The following ADCY10 variants were observed in gnomAD, a reference collection of about 807,000 sequenced individuals.
ADCY10 encodes the protein adenylate cyclase 10, also known as adenylate cyclase type 10.
A neutral mutation model predicts 183.3 loss-of-function variants in ADCY10; 156 were observed. That is an observed-to-expected ratio of 0.85 (90% CI 0.75 to 0.97). The LOEUF (loss-of-function observed/expected upper bound fraction) is 0.97. Ranked by LOEUF, ADCY10 falls within the 50% of genes least tolerant of loss-of-function variation. The pLI is 0.00. For missense variants in ADCY10, 1,745 were observed against 1,934.3 expected (o/e 0.90, Z 1.84); for synonymous variants, 645 against 670.0 (o/e 0.96, Z 0.58).
intron 12 of ADCY10, among the ~76,000 whole-genome samples, chr1:167,877,193 G>A (rs924731282): frequency 4.0e-5 from 6 of 150,540 alleles, no homozygotes; most frequent in African/African-American, 1.5e-4. Context: ...TAACATCTCT[G>A]AGCCTCAGTT....
intron 29 of ADCY10, among the ~76,000 whole-genome samples, chr1:167,822,415 G>A (rs2101860881): frequency 6.6e-6 from 1 of 152,240 alleles, no homozygotes; most frequent in Middle Eastern, 3.4e-3. Flanking sequence ...TGGCCTTAGT[G>A]CAGCCTAGGA....
chr1:167,820,149 T>C, intron 30 of ADCY10: 2 of 1,548,756 alleles, frequency 1.3e-6, no homozygotes, highest in Non-Finnish European at 1.7e-6. Flanking sequence ...GATCCCTTAA[T>C]TTCCTGCCCC....
intron 17 of ADCY10, among the ~76,000 whole-genome samples, chr1:167,855,803 G>A (rs1665846444): frequency 6.6e-6 from 1 of 152,126 alleles, no homozygotes; most frequent in South Asian, 2.1e-4. Context: ...CTTGAGCCCA[G>A]GAGTTCATGA....
intron 23 of ADCY10, 100 bp downstream of exon 23, chr1:167,836,209 A>T (rs2101917014): frequency 1.3e-6 from 1 of 789,634 alleles, no homozygotes; most frequent in East Asian, 2.7e-5. Context: ...TCGGGAATAT[A>T]CAACGTGAAG....
At chr1:167,833,206 G>T in intron 24 of ADCY10, 44 bp from the exon 25 acceptor site, 1 of 1,571,152 alleles carries the variant, frequency 6.4e-7, no homozygotes, top group Non-Finnish European at 8.8e-7. Flanking sequence ...GGAAAACGAT[G>T]ATTCTAACTT....
intron 8 of ADCY10, among the ~76,000 whole-genome samples, chr1:167,890,589 G>A (rs1263741114): frequency 9.8e-6 from 1 of 102,256 alleles, no homozygotes; most frequent in Admixed American, 1.2e-4. Context: ...CAAGGCTCTA[G>A]CACTCTACAA....
chr1:167,887,589 A>G (rs897413277), intron 8 of ADCY10, among the ~76,000 whole-genome samples: 2 of 152,162 alleles, frequency 1.3e-5, no homozygotes, highest in Admixed American at 1.3e-4. Flanking sequence ...AGATATACCT[A>G]ATGTAAAAGA....
intron 15 of ADCY10, among the ~76,000 whole-genome samples, chr1:167,860,535 T>C (rs1412874959): frequency 6.6e-6 from 1 of 152,180 alleles, no homozygotes; most frequent in Non-Finnish European, 1.5e-5. Flanking sequence ...CTGTGTTAGA[T>C]AATTCAGGAA....
chr1:167,847,877 T>C (rs961083498), intron 19 of ADCY10, among the ~76,000 whole-genome samples: 3 of 152,206 alleles, frequency 2.0e-5, no homozygotes, highest in Non-Finnish European at 4.4e-5. Flanking sequence ...TCCCAGAATA[T>C]ACACAGGGGG....
At position 167,859,843 on chromosome 1, in the gene ADCY10, T is replaced by C. The variant is rs1323294121; in HGVS notation, c.1860A>G (p.Lys620=). ...ISRMSTLKKQ[K]QLEILFMKIL... ...TCTTCATAAACAATATTTCCAATTG[T>C]TTTTGCTTTTTCAAGGTGCTCATCC... The change falls in exon 16 of 33, where the codon AAA becomes AAG. Residue 620 remains lysine (K), a synonymous_variant. Transcript: ENST00000367851. 7 of 1,613,498 alleles carry C rather than the reference T, an allele frequency of 4.3e-6. No individual in the cohort carries two copies. In the African/African-American group the frequency reaches 6.7e-5, roughly 15 times the overall value.
chr1:167,891,524 C>T (rs932665180), intron 8 of ADCY10, among the ~76,000 whole-genome samples: 15 of 151,506 alleles, frequency 9.9e-5, no homozygotes, highest in African/African-American at 2.2e-4. Flanking sequence ...GGCGTGGTGG[C>T]GGGCGCCTGT....
At chr1:167,893,798 C>A in intron 8 of ADCY10, 55 bp downstream of exon 8, 1 of 1,207,216 alleles carries the variant, frequency 8.3e-7, no homozygotes, top group Non-Finnish European at 1.2e-6. Context: ...CTTAAAATTC[C>A]AGCTGTCCAG....
At chr1:167,866,033 CTTG>C (rs978203397) in intron 14 of ADCY10, among the ~76,000 whole-genome samples, 2 of 152,176 alleles carry the variant, frequency 1.3e-5, no homozygotes, top group Non-Finnish European at 2.9e-5. Context: ...CTTAGGATTC[CTTG>C]GAGACCTGAA....
At chr1:167,897,723 CCA>C (rs372943957) in intron 6 of ADCY10, among the ~76,000 whole-genome samples, 1,194 of 1,194 alleles carry the variant, frequency 1, 597 homozygotes, top group Non-Finnish European at 1. Context: ...AGGCCGGGCG[CCA>C]GGGGCTCACG....
chr1:167,888,673 G>T lies in ADCY10; in HGVS notation c.829-5045C>A, dbSNP rs188644241. On this transcript the variant is annotated intron_variant, in intron 8 of 32. Transcript: ENST00000367851. ...GGGCGGATCACGAGGTCAGGAGATC[G>T]AGACCATCCTGGCTAACACGGTGAA... Among the ~76,000 whole-genome samples the T allele has an allele frequency of 2.0e-5, 3 of 152,026 alleles. No homozygotes were observed. The South Asian group carries it at 6.2e-4, about 31-fold the overall frequency.
chr1:167,831,228 C>T (rs1255078061), intron 25 of ADCY10, among the ~76,000 whole-genome samples: 1 of 151,602 alleles, frequency 6.6e-6, no homozygotes, highest in Non-Finnish European at 1.5e-5. Flanking sequence ...CTCGCTTTAT[C>T]GCCCAGGCTA....
At chr1:167,857,280 G>T (rs1665979442) in intron 16 of ADCY10, among the ~76,000 whole-genome samples, 1 of 152,046 alleles carries the variant, frequency 6.6e-6, no homozygotes, top group South Asian at 2.1e-4. Flanking sequence ...CTTTCTCTTT[G>T]TGCTTGACAG....
chr1:167,887,681 A>T (rs1016485812), intron 8 of ADCY10, among the ~76,000 whole-genome samples: 52 of 152,080 alleles, frequency 3.4e-4, no homozygotes, highest in African/African-American at 1.2e-3. Context: ...TGTACCCTAG[A>T]ACTTAAAAGT....
chr1:167,874,815 T>C (rs79263305), intron 13 of ADCY10, among the ~76,000 whole-genome samples: 2,429 of 152,246 alleles, frequency 0.016, 27 homozygotes, highest in East Asian at 0.075. Flanking sequence ...CACCCAACAA[T>C]ATGGATGAAT....
Sources: gnomAD v4.1 joint callset for allele counts (sites outside exome capture counted in the v4.1 genomes callset) on GRCh38, gnomAD v4.1.1 for gene constraint, MANE v1.5 for transcripts, NCBI Gene and HGNC (gene_info 2026-07-23, HGNC 2026-07-21) for gene names.